ITGAE: variants seen among roughly 807,000 people sequenced by gnomAD.
The protein encoded by ITGAE is integrin subunit alpha E.
A neutral mutation model predicts 136.5 loss-of-function variants in ITGAE; 99 were observed. That is an observed-to-expected ratio of 0.73 (90% CI 0.62 to 0.86). The LOEUF (loss-of-function observed/expected upper bound fraction) is 0.86, where lower values mean the gene tolerates loss of function less well. Among genes scored for constraint, ITGAE ranks in the 40% least tolerant of loss-of-function variants. The pLI is 0.00. For missense variants in ITGAE, 1,447 were observed against 1,515.3 expected (o/e 0.95, Z 0.75); for synonymous variants, 613 against 591.8 (o/e 1.04, Z -0.52).
At chr17:3,723,884 C>A in intron 26 of ITGAE, 140 bp from the exon 27 acceptor site, 1 of 1,521,218 alleles carries the variant, frequency 6.6e-7, no homozygotes, top group South Asian at 1.3e-5. Context: ...GCGTCCGCGT[C>A]GCACGGAAGT....
At chr17:3,794,281 A>AT (rs1398475235) in intron 1 of ITGAE, among the ~76,000 whole-genome samples, 8 of 150,928 alleles carry the variant, frequency 5.3e-5, no homozygotes, top group South Asian at 4.2e-4. Context: ...CTGGCCTCTA[A>AT]TTTTTTTTTA....
chr17:3,716,448 A>AT (rs1329837678), intron 30 of ITGAE, among the ~76,000 whole-genome samples: 1 of 152,224 alleles, frequency 6.6e-6, no homozygotes, highest in Non-Finnish European at 1.5e-5. Context: ...GGCCTTGAGA[A>AT]TAGGGAGGTA....
chr17:3,767,763 C>A (rs750895852), intron 2 of ITGAE, among the ~76,000 whole-genome samples: 3 of 152,076 alleles, frequency 2.0e-5, no homozygotes, highest in African/African-American at 7.2e-5. Flanking sequence ...GCTGGGCCTA[C>A]AGGAGCGAGT....
At chr17:3,734,139 C>T (rs531936204) in intron 21 of ITGAE, among the ~76,000 whole-genome samples, 8 of 152,328 alleles carry the variant, frequency 5.3e-5, no homozygotes, top group Admixed American at 1.3e-4. Context: ...GGCGCAATCT[C>T]GGCTCACTGC....
In ITGAE at chr17:3,760,994, C is replaced by T. The variant is rs1457909572; in HGVS notation, c.598+19G>A. On this transcript the variant is annotated intron_variant, in intron 6 of 30. Transcript: ENST00000263087. ...TGGCTCTGATAGACTCAGAGCAACCCAGATCTGCCTCTTCTCACCAGCTTC... is the reference window on the plus strand; with the variant it reads ...TGGCTCTGATAGACTCAGAGCAACCTAGATCTGCCTCTTCTCACCAGCTTC... 5.0e-6 allele frequency: 8 copies of T among 1,593,888 alleles called. No homozygotes were observed. The highest frequency in any genetic ancestry group is 6.8e-6 in the Non-Finnish European group (8 of 1,176,912).
rs775990702 is a variant in ITGAE, at chr17:3,732,466, G to A, written c.2656C>T (p.Pro886Ser). The A allele has an allele frequency of 6.2e-7, 1 of 1,612,712 alleles. No homozygotes were observed. The highest frequency in any genetic ancestry group is 2.2e-5 in the East Asian group (1 of 44,882). Reference sequence around the variant, plus strand: ...TCACACTGAATGTTTGGAGAGGGAGGCTGTTAAAAGAGCAGATGACATTCT... The same window carrying A: ...TCACACTGAATGTTTGGAGAGGGAGACTGTTAAAAGAGCAGATGACATTCT... Reference protein sequence around the residue: ...RNLQLKRMQKPPSPNIQCDDP... With the variant: ...RNLQLKRMQKSPSPNIQCDDP... Residue 886 changes from proline (P) to serine (S), a missense_variant and splice_region_variant, in exon 22 of 31, where the codon CCT becomes TCT. Around this residue, in one of 3 missense-constraint regions of ITGAE, gnomAD observed 1,031 missense variants for 1,011.4 expected, o/e 1.02. Transcript: ENST00000263087.
chr17:3,720,296 C>A lies in ITGAE; in HGVS notation c.3333+11G>T. The A allele has an allele frequency of 2.1e-6, 3 of 1,415,552 alleles. No individual in the cohort carries two copies. Among genetic ancestry groups the A allele is most frequent in the Non-Finnish European group, 3.0e-6 (3 of 1,000,330 alleles). The allele number at this position is 1,415,552 out of a possible 1,614,324, so 87.7% of individuals were successfully genotyped here. A position where few individuals can be genotyped will look rare whatever the true frequency, so the allele number is the denominator to read the frequency against. On this transcript the variant is annotated intron_variant, in intron 29 of 30. Transcript: ENST00000263087. ...TCCTTGGGCACTACTCAGAAGCCAG[C>A]CAGGAATTACCTTAGTTCTGTGGTT...
intron 29 of ITGAE, among the ~76,000 whole-genome samples, chr17:3,718,966 T>G (rs1349043092): frequency 1.3e-5 from 2 of 152,076 alleles, no homozygotes; most frequent in Non-Finnish European, 2.9e-5. Flanking sequence ...ACATGGTGGC[T>G]CATGCCTGTA....
At chr17:3,740,454 G>A (rs1340869031) in intron 19 of ITGAE, among the ~76,000 whole-genome samples, 1 of 152,176 alleles carries the variant, frequency 6.6e-6, no homozygotes, top group African/African-American at 2.4e-5. Context: ...TCGGCTCACT[G>A]CCATCTCTGC....
At position 3,743,489 on chromosome 17, in the gene ITGAE, C is replaced by G. The variant is rs754463354; in HGVS notation, c.2448G>C (p.Gln816His). ...GGGTACTGGCTGTGGGTAGAGTCAC[C>G]TGGAAGATGGCAAAGGGCTCAGTGT... ...DRYTEPFAIF[Q>H]LPYEKACKNK... is the part of the protein sequence containing the mutation. The change falls in exon 19 of 31, where the codon CAG (glutamine) becomes CAC (histidine). Residue 816 changes from glutamine (Q) to histidine (H), a missense_variant and splice_region_variant. Physicochemically the swap from Gln to His is conservative, Grantham distance 24. This residue lies in a region of ITGAE where 1,031 missense variants were observed against 1,011.4 expected (regional missense o/e 1.02). Coordinates refer to ENST00000263087, the MANE Select transcript of ITGAE (RefSeq NM_002208.5). 6.3e-7 allele frequency: 1 copy of G among 1,592,090 alleles called. No individual in the cohort carries two copies. Among genetic ancestry groups the G allele is most frequent in the Non-Finnish European group, 8.5e-7 (1 of 1,171,780 alleles).
At chr17:3,786,560 G>A (rs560042664) in intron 1 of ITGAE, among the ~76,000 whole-genome samples, 1 of 152,236 alleles carries the variant, frequency 6.6e-6, no homozygotes, top group East Asian at 1.9e-4. Flanking sequence ...CAAAAATGCT[G>A]CACAAAATTC....
In ITGAE at chr17:3,732,401, G is replaced by A. The variant is rs1332759365; in HGVS notation, c.2721C>T (p.Cys907=). The change falls in exon 22 of 31, where the codon TGC becomes TGT. Residue 907 remains cysteine (C), a synonymous_variant. Transcript: ENST00000263087. ...QPVASVLIMN[C]RIGHPVLKRS... is the part of the protein sequence containing the mutation. ...TCTTGAGGACGGGGTGACCAATCCTGCAGTTCATGATCAGGACAGAAGCAA... is the reference window on the plus strand; with the variant it reads ...TCTTGAGGACGGGGTGACCAATCCTACAGTTCATGATCAGGACAGAAGCAA... The A allele has an allele frequency of 6.2e-7, 1 of 1,614,024 alleles. No individual in the cohort carries two copies. The highest frequency in any genetic ancestry group is 2.2e-5 in the East Asian group (1 of 44,896).
chr17:3,768,952 G>A lies in ITGAE; in HGVS notation c.156-4992C>T, dbSNP rs535061431. On this transcript the variant is annotated intron_variant, in intron 2 of 30. Transcript: ENST00000263087. ...CTCATCTGGGGCAGGGCTGAGGGGC[G>A]GAGGGCTGGGTGCAGCAGAGAGCTG... Among the ~76,000 whole-genome samples, 13 of 152,286 alleles carry A rather than the reference G, an allele frequency of 8.5e-5. No homozygotes were observed. The South Asian group carries it at 2.5e-3, about 29-fold the overall frequency.
Position 3,745,841 on chromosome 17 carries a change from A to G in ITGAE, c.2242T>C (p.Cys748Arg). Residue 748 changes from cysteine (C) to arginine (R), a missense_variant, in exon 18 of 31, where the codon TGT becomes CGT. Transcript: ENST00000263087. ...CTCCACTCCCTCAGGCAGCCCAGAC[A>G]GCTTCTTACGTCTGAACACTGCAGC... ...RRLQCSDVRS[C>R]LGCLREWSSG... 1 of 1,614,078 alleles carries G rather than the reference A, an allele frequency of 6.2e-7. No individual in the cohort carries two copies. The highest frequency in any genetic ancestry group is 8.5e-7 in the Non-Finnish European group (1 of 1,180,004).
At chr17:3,755,064 A>AGGCCCCACCCTCATCAGGT in intron 12 of ITGAE, 53 bp downstream of exon 12, 1 of 751,260 alleles carries the variant, frequency 1.3e-6, no homozygotes, top group Non-Finnish European at 2.0e-6. Flanking sequence ...GGGAGCCTCC[A>AGGCCCCACCCTCATCAGGT]GGCCCCGCCC....
chr17:3,755,293 T>C (rs997546282), intron 11 of ITGAE, 32 bp from the exon 12 acceptor site: 1 of 1,528,652 alleles, frequency 6.5e-7, no homozygotes, highest in Non-Finnish European at 8.7e-7. Flanking sequence ...CCCAGATGAG[T>C]GGGAGGGACC....
chr17:3,758,922 G>A (rs903271295), intron 8 of ITGAE, among the ~76,000 whole-genome samples: 2 of 151,162 alleles, frequency 1.3e-5, no homozygotes, highest in Non-Finnish European at 1.5e-5. Flanking sequence ...TCAGGAGATC[G>A]AGACCATCCT....
chr17:3,754,320 G>C (rs2051947970), intron 12 of ITGAE, among the ~76,000 whole-genome samples: 2 of 152,086 alleles, frequency 1.3e-5, no homozygotes, highest in Non-Finnish European at 2.9e-5. Flanking sequence ...CGCCCACGCT[G>C]GAGTGCAGTG....
At chr17:3,725,436 A>G (rs1435507691) in intron 26 of ITGAE, 1 of 1,614,086 alleles carries the variant, frequency 6.2e-7, no homozygotes. Context: ...AGTGTTTCAA[A>G]CAATTGCTGA....
Sources: gnomAD v4.1 joint callset for allele counts (sites outside exome capture counted in the v4.1 genomes callset) on GRCh38, gnomAD v4.1.1 for gene constraint, gnomAD v4.1.1 regional missense constraint, MANE v1.5 for transcripts, NCBI Gene and HGNC (gene_info 2026-07-23, HGNC 2026-07-21) for gene names.